MON2: variants seen among roughly 807,000 people sequenced by gnomAD.
The protein encoded by MON2 is protein MON2 homolog.
A neutral mutation model predicts 208.6 loss-of-function variants in MON2; 84 were observed. The observed-to-expected ratio is 0.40, with a 90% CI of 0.34 to 0.48. The LOEUF is 0.48. MON2 is among the 20% of genes least tolerant of loss of function. The probability of loss-of-function intolerance (pLI) is 0.59; values close to 1 mark genes in which losing one functional copy is unlikely to be tolerated. For synonymous variants in MON2, 660 were observed against 694.0 expected (o/e 0.95, Z 0.77); for missense variants, 1,611 against 2,015.4 (o/e 0.80, Z 3.84).
intron 7 of MON2, among the ~76,000 whole-genome samples, chr12:62,502,649 G>T (rs1000353822): frequency 1.6e-4 from 24 of 152,188 alleles, no homozygotes; most frequent in African/African-American, 5.3e-4. Context: ...AGAAATTGTT[G>T]ATTTTTACTT....
chr12:62,578,434 T>G lies in MON2; in HGVS notation c.4515-11T>G, dbSNP rs762990664. ...TTTTATCTTTAAAAATCAAGTGTTT[T>G]TTTTTTTTAGCATACCTCCAGATAA... On this transcript the variant is annotated splice_polypyrimidine_tract_variant and intron_variant, in intron 30 of 34. Transcript: ENST00000393630. 1 of 1,409,574 alleles carries G rather than the reference T, an allele frequency of 7.1e-7. No individual in the cohort carries two copies. Among genetic ancestry groups the G allele is most frequent in the South Asian group, 1.3e-5 (1 of 76,430 alleles). 87.3% of individuals were successfully genotyped at this position (1,409,574 alleles called of 1,614,324 possible).
chr12:62,555,085 T>C (rs2073908078), intron 24 of MON2, among the ~76,000 whole-genome samples: 1 of 152,122 alleles, frequency 6.6e-6, no homozygotes, highest in East Asian at 1.9e-4. Context: ...CATGAGCCAC[T>C]GCGCCTGGCC....
chr12:62,578,464 T>C lies in MON2; in HGVS notation c.4534T>C (p.Ser1512Pro). The C allele has an allele frequency of 6.7e-7, 1 of 1,482,778 alleles. No individual in the cohort carries two copies. Among genetic ancestry groups the C allele is most frequent in the Non-Finnish European group, 9.2e-7 (1 of 1,085,030 alleles). 91.9% of individuals were successfully genotyped at this position (1,482,778 alleles called of 1,614,324 possible). A position where few individuals can be genotyped will look rare whatever the true frequency, so the allele number is the denominator to read the frequency against. The change falls in exon 31 of 35, where the codon TCT becomes CCT. Residue 1512 changes from serine to proline, a missense_variant. By Grantham distance (74) the Ser-to-Pro change is moderately conservative. Coordinates refer to ENST00000393630, the MANE Select transcript of MON2 (RefSeq NM_015026.3). ...FTKSIPPDNL[S>P]IQEFQRNENI... Reference sequence around the variant, plus strand: ...TTTTAGCATACCTCCAGATAATCTCTCTATTCAAGAGTTTCAAAGAAATGA... The same window carrying C: ...TTTTAGCATACCTCCAGATAATCTCCCTATTCAAGAGTTTCAAAGAAATGA...
chr12:62,560,619 A>G lies in MON2; in HGVS notation c.3538A>G (p.Arg1180Gly). Residue 1180 changes from arginine to glycine, a missense_variant, in exon 26 of 35, where the codon AGA becomes GGA. Coordinates refer to ENST00000393630, the MANE Select transcript of MON2 (RefSeq NM_015026.3). ...QEILQIVSPVRDSDKPETPPV... is the reference protein window; with the variant it reads ...QEILQIVSPVGDSDKPETPPV... ...AATTTTACAGATTGTGTCCCCTGTC[A>G]GAGACTCAGATAAGCCTGAGACACC... 6.2e-7 allele frequency: 1 copy of G among 1,614,130 alleles called. No homozygotes were observed. Among genetic ancestry groups the G allele is most frequent in the East Asian group, 2.2e-5 (1 of 44,858 alleles).
chr12:62,546,886 C>A lies in MON2; in HGVS notation c.2578-11C>A. The A allele has an allele frequency of 6.3e-7, 1 of 1,578,308 alleles. No individual in the cohort carries two copies. Among genetic ancestry groups the A allele is most frequent in the Non-Finnish European group, 8.6e-7 (1 of 1,160,874 alleles). On this transcript the variant is annotated splice_polypyrimidine_tract_variant and intron_variant, in intron 21 of 34. Coordinates refer to ENST00000393630, the MANE Select transcript of MON2 (RefSeq NM_015026.3). Reference sequence around the variant, plus strand: ...CTTCTCTTCCTAATTAGTTTCTTGCCCCCTTTTCAGAGGCTGCAGTTGCTT... The same window carrying A: ...CTTCTCTTCCTAATTAGTTTCTTGCACCCTTTTCAGAGGCTGCAGTTGCTT...
intron 33 of MON2, 108 bp downstream of exon 33, chr12:62,585,609 G>A (rs2075197143): frequency 1.2e-6 from 1 of 820,228 alleles, no homozygotes; most frequent in Non-Finnish European, 1.9e-6. Context: ...GAACTAAGCT[G>A]AAGTTGTTTA....
At chr12:62,495,517 C>T (rs1345443007) in intron 4 of MON2, among the ~76,000 whole-genome samples, 5 of 151,912 alleles carry the variant, frequency 3.3e-5, no homozygotes, top group Non-Finnish European at 7.4e-5. Context: ...GGTGAAACCC[C>T]GTCTCTACTA....
chr12:62,508,231 TATTA>T, intron 7 of MON2, 51 bp from the exon 8 acceptor site: 1 of 1,376,838 alleles, frequency 7.3e-7, no homozygotes, highest in Non-Finnish European at 1.0e-6. Context: ...TTTTTGGAAG[TATTA>T]AGTACAAATA....
At chr12:62,523,010 T>G (rs1170215510) in intron 8 of MON2, among the ~76,000 whole-genome samples, 3 of 152,228 alleles carry the variant, frequency 2.0e-5, no homozygotes, top group Non-Finnish European at 4.4e-5. Context: ...TTGATGTTTC[T>G]GAGATCCTTT....
At chr12:62,590,595 G>T (rs1449511520) in intron 34 of MON2, among the ~76,000 whole-genome samples, 1 of 152,108 alleles carries the variant, frequency 6.6e-6, no homozygotes, top group Non-Finnish European at 1.5e-5. Context: ...CCCTCCAGAA[G>T]TTTATTATCT....
chr12:62,542,914 G>T (rs2073302947), intron 19 of MON2, among the ~76,000 whole-genome samples, 183 bp from the exon 20 acceptor site: 1 of 152,022 alleles, frequency 6.6e-6, no homozygotes, highest in African/African-American at 2.4e-5. Context: ...AGCTATTTTG[G>T]ATACTTAAGG....
At chr12:62,572,821 C>T (rs1205940377) in intron 30 of MON2, among the ~76,000 whole-genome samples, 1 of 152,050 alleles carries the variant, frequency 6.6e-6, no homozygotes, top group African/African-American at 2.4e-5. Context: ...TGCTAAATAA[C>T]CATTTAACAT....
intron 19 of MON2, 132 bp from the exon 20 acceptor site, chr12:62,542,965 T>C: frequency 4.2e-6 from 2 of 471,320 alleles, no homozygotes; most frequent in Non-Finnish European, 3.7e-6. Context: ...GGTTTTGTTA[T>C]AAATATAACT....
intron 7 of MON2, among the ~76,000 whole-genome samples, chr12:62,504,405 C>T (rs538206752): frequency 3.7e-4 from 56 of 151,824 alleles, no homozygotes; most frequent in African/African-American, 1.2e-3. Context: ...CCACCACGCC[C>T]GGCTAATTTT....
At chr12:62,524,245 A>G (rs2072218719) in intron 8 of MON2, among the ~76,000 whole-genome samples, 1 of 152,160 alleles carries the variant, frequency 6.6e-6, no homozygotes, top group Non-Finnish European at 1.5e-5. Flanking sequence ...TCTGCTTTCT[A>G]AAGAGCAAGG....
intron 7 of MON2, among the ~76,000 whole-genome samples, chr12:62,502,452 C>T (rs1226438227): frequency 2.0e-5 from 3 of 150,838 alleles, no homozygotes; most frequent in African/African-American, 7.3e-5. Flanking sequence ...AGAATTGTAG[C>T]CTCAAACTTT....
At position 62,594,081 on chromosome 12, in the gene MON2, A is replaced by G. The variant is rs1434690405; in HGVS notation, c.*1332A>G. On this transcript the variant is annotated 3_prime_UTR_variant, in exon 35 of 35. Transcript: ENST00000393630. Reference sequence around the variant, plus strand: ...TATTTAATGGATTATGGATTACAGTATTTTTCTTCTGAGTTAAATTTTCAT... The same window carrying G: ...TATTTAATGGATTATGGATTACAGTGTTTTTCTTCTGAGTTAAATTTTCAT... 1.3e-5 allele frequency: 2 copies of G among 152,106 alleles called. No individual in the cohort carries two copies. Among genetic ancestry groups the G allele is most frequent in the Admixed American group, 1.3e-4 (2 of 15,274 alleles). 9.4% of individuals were successfully genotyped at this position (152,106 alleles called of 1,614,324 possible).
At chr12:62,543,306 T>G in intron 20 of MON2, 108 bp downstream of exon 20, 1 of 520,562 alleles carries the variant, frequency 1.9e-6, no homozygotes, top group Non-Finnish European at 3.2e-6. Context: ...TTTTTCCCCC[T>G]TTCCTGACTG....
chr12:62,495,016 A>G lies in MON2; in HGVS notation c.304A>G (p.Thr102Ala), dbSNP rs769593886. 27 of 1,600,832 alleles carry G rather than the reference A, an allele frequency of 1.7e-5. 1 individual carries two copies. The East Asian group carries it at 6.0e-4, about 36-fold the overall frequency. Residue 102 changes from threonine (T) to alanine (A), a missense_variant and splice_region_variant, in exon 4 of 35, where the codon ACT becomes GCT. Thr to Ala is a moderately conservative substitution (Grantham distance 58). Coordinates refer to ENST00000393630, the MANE Select transcript of MON2 (RefSeq NM_015026.3). ...RLMSHEVVSE[T>A]AAGNIINMLW... ...AATAATTAAAATAACTATTTTACAG[A>G]CTGCAGCTGGAAATATAATTAACAT...
Sources: gnomAD v4.1 joint callset for allele counts (sites outside exome capture counted in the v4.1 genomes callset) on GRCh38, gnomAD v4.1.1 for gene constraint, MANE v1.5 for transcripts, NCBI Gene and HGNC (gene_info 2026-07-23, HGNC 2026-07-21) for gene names.